The following ALDH2 variants were observed in gnomAD, a reference collection of about 807,000 sequenced individuals.
The protein encoded by ALDH2 is aldehyde dehydrogenase, mitochondrial.
A neutral mutation model predicts 59.6 loss-of-function variants in ALDH2; 44 were observed. The observed-to-expected ratio is 0.74, with a 90% CI of 0.58 to 0.95. The LOEUF (loss-of-function observed/expected upper bound fraction) is 0.95, where lower values mean the gene tolerates loss of function less well. Among genes scored for constraint, ALDH2 ranks in the 40% least tolerant of loss-of-function variants. The pLI, the probability that ALDH2 is intolerant of heterozygous loss-of-function variation, is 0.00. For synonymous variants in ALDH2, 291 were observed against 284.0 expected, an observed-to-expected ratio of 1.02 and a Z score of -0.25; for missense variants, 570 against 696.3, an observed-to-expected ratio of 0.82 and a Z score of 2.04.
chr12:111,786,216 TTTGA>T (rs537374639), intron 4 of ALDH2, among the ~76,000 whole-genome samples: 43 of 152,246 alleles, frequency 2.8e-4, no homozygotes, highest in Admixed American at 3.9e-4. Context: ...ATCAAAAATG[TTTGA>T]TTGATTGATT....
At chr12:111,798,853 G>T (rs2068426000) in intron 10 of ALDH2, among the ~76,000 whole-genome samples, 1 of 151,858 alleles carries the variant, frequency 6.6e-6, no homozygotes, top group Non-Finnish European at 1.5e-5. Context: ...TTAAAAATAA[G>T]AAAAAATTAG....
chr12:111,792,832 A>G, intron 9 of ALDH2, 50 bp downstream of exon 9: 2 of 1,515,460 alleles, frequency 1.3e-6, no homozygotes, highest in Non-Finnish European at 1.8e-6. Flanking sequence ...CAGCATGAGA[A>G]GCAGAGAGGG....
chr12:111,772,143 G>A (rs542754495), intron 1 of ALDH2, among the ~76,000 whole-genome samples: 24 of 151,948 alleles, frequency 1.6e-4, no homozygotes, highest in Non-Finnish European at 2.4e-4. Context: ...TACCCCATGA[G>A]CAGATATTAA....
At chr12:111,786,479 A>G (rs1298721956) in intron 4 of ALDH2, among the ~76,000 whole-genome samples, 1 of 150,498 alleles carries the variant, frequency 6.6e-6, no homozygotes, top group Admixed American at 6.6e-5. Context: ...CTTGTGATCC[A>G]CCCTCCTTGG....
rs2068164868 is a variant in ALDH2, at chr12:111,767,114, G to A, written c.114+18G>A. The A allele has an allele frequency of 4.8e-6, 7 of 1,465,998 alleles. No individual in the cohort carries two copies. Among genetic ancestry groups the A allele is most frequent in the African/African-American group, 4.5e-5 (3 of 67,338 alleles). The allele number at this position is 1,465,998 out of a possible 1,614,324, so 90.8% of individuals were successfully genotyped here. The stretch of plus-strand genomic sequence containing the variant: ...GCAACCAGGTGAGCCCACCGGCCGG[G>A]CTCGCGCTTTGTTTTCCGGCCCGAG... On this transcript the variant is annotated intron_variant, in intron 1 of 12. Transcript: ENST00000261733.
chr12:111,784,078 C>T lies in ALDH2; in HGVS notation c.360+780C>T, dbSNP rs764461263. On this transcript the variant is annotated intron_variant, in intron 3 of 12. Transcript: ENST00000261733. ...TCTGCTCTTATCCCTGCATGGCATGCGGTGTCCTTAGGATAAAATCCTCAA... is the reference window on the plus strand; with the variant it reads ...TCTGCTCTTATCCCTGCATGGCATGTGGTGTCCTTAGGATAAAATCCTCAA... Among the ~76,000 whole-genome samples the T allele has an allele frequency of 3.2e-4, 49 of 152,310 alleles. 1 individual carries two copies. The highest frequency in any genetic ancestry group is 8.3e-4 in the South Asian group (4 of 4,828).
chr12:111,809,401 C>A, intron 12 of ALDH2, 142 bp from the exon 13 acceptor site: 2 of 825,682 alleles, frequency 2.4e-6, no homozygotes, highest in Non-Finnish European at 1.9e-6. Flanking sequence ...CAGTAGTGAG[C>A]TGTAATTGCA....
intron 12 of ALDH2, among the ~76,000 whole-genome samples, chr12:111,807,413 C>T (rs760953052): frequency 4.3e-4 from 66 of 152,300 alleles, no homozygotes; most frequent in Admixed American, 2.6e-4. Flanking sequence ...ATCCACTGCC[C>T]GAGCAGAGTC....
Position 111,812,762 on chromosome 12 carries a change from C to T in ALDH2, c.*3187C>T, listed in dbSNP as rs1029596699. 6.6e-6 allele frequency: 1 copy of T among 152,206 alleles called. No individual in the cohort carries two copies. Among genetic ancestry groups the T allele is most frequent in the African/African-American group, 2.4e-5 (1 of 41,384 alleles). 9.4% of individuals were successfully genotyped at this position (152,206 alleles called of 1,614,324 possible). A position where few individuals can be genotyped will look rare whatever the true frequency, so the allele number is the denominator to read the frequency against. ...GCGTGGTGATGTGTGCCTGTGGTCC[C>T]AGTTACTCTGGAGGCTGATGTGGGA... is the stretch of plus-strand genomic sequence containing the variant. On this transcript the variant is annotated 3_prime_UTR_variant, in exon 13 of 13. Coordinates refer to ENST00000261733, the MANE Select transcript of ALDH2 (RefSeq NM_000690.4).
intron 2 of ALDH2, among the ~76,000 whole-genome samples, chr12:111,782,268 C>T (rs1470830502): frequency 6.6e-6 from 1 of 152,194 alleles, no homozygotes; most frequent in African/African-American, 2.4e-5. Flanking sequence ...CTTTCCAGAC[C>T]TGGAAGTTGA....
chr12:111,810,002 C>T lies in ALDH2; in HGVS notation c.*427C>T, dbSNP rs2068524040. The T allele has an allele frequency of 4.5e-6, 1 of 221,668 alleles. No homozygotes were observed. Among genetic ancestry groups the T allele is most frequent in the Non-Finnish European group, 9.0e-6 (1 of 110,872 alleles). The allele number at this position is 221,668 out of a possible 1,614,324, so 13.7% of individuals were successfully genotyped here. On this transcript the variant is annotated 3_prime_UTR_variant, in exon 13 of 13. Coordinates refer to ENST00000261733, the MANE Select transcript of ALDH2 (RefSeq NM_000690.4). Reference sequence around the variant, plus strand: ...TTAACTTACTGGGTAACTCTTTGTCCATCTCAATAACCAAAGGAAGGTGGG... The same window carrying T: ...TTAACTTACTGGGTAACTCTTTGTCTATCTCAATAACCAAAGGAAGGTGGG...
intron 11 of ALDH2, among the ~76,000 whole-genome samples, chr12:111,800,435 A>G (rs2068442649): frequency 1.3e-5 from 2 of 151,528 alleles, no homozygotes; most frequent in African/African-American, 2.4e-5. Context: ...TTTTAGTTTT[A>G]TTTTTTCAGA....
At chr12:111,802,535 C>T (rs988555602) in intron 11 of ALDH2, among the ~76,000 whole-genome samples, 7 of 151,348 alleles carry the variant, frequency 4.6e-5, no homozygotes, top group Admixed American at 2.0e-4. Context: ...GAGCCGAGAT[C>T]GCACCACTGC....
chr12:111,807,015 C>T (rs1351439370), intron 12 of ALDH2, among the ~76,000 whole-genome samples: 2 of 151,818 alleles, frequency 1.3e-5, no homozygotes, highest in African/African-American at 4.8e-5. Context: ...GCCTGTAATC[C>T]CAGCACTTTG....
Position 111,782,004 on chromosome 12 carries a change from G to C in ALDH2, c.201G>C (p.Gln67His). 6.2e-7 allele frequency: 1 copy of C among 1,613,848 alleles called. No homozygotes were observed. The highest frequency in any genetic ancestry group is 1.1e-5 in the South Asian group (1 of 91,074). Residue 67 changes from glutamine (Q) to histidine (H), a missense_variant, in exon 2 of 13, where the codon CAG (glutamine) becomes CAC (histidine). Coordinates refer to ENST00000261733, the MANE Select transcript of ALDH2 (RefSeq NM_000690.4). The stretch of plus-strand genomic sequence containing the variant: ...CGTCCACTGGAGAGGTCATCTGTCA[G>C]GTAGCTGAAGGGGACAAGGTGAGAA... ...VNPSTGEVIC[Q>H]VAEGDKEDVD...
rs190633288 is a variant in ALDH2, at chr12:111,785,261, T to C, written c.361-6T>C. The C allele has an allele frequency of 5.0e-6, 8 of 1,612,808 alleles. No individual in the cohort carries two copies. The Admixed American group carries it at 1.3e-4, about 27-fold the overall frequency. ...CATGTCTCTGCTGACCTTGTTTTCT[T>C]CTCAGGCCTTGGAGACCCTGGACAA... On this transcript the variant is annotated splice_polypyrimidine_tract_variant and splice_region_variant and intron_variant, in intron 3 of 12. Coordinates refer to ENST00000261733, the MANE Select transcript of ALDH2 (RefSeq NM_000690.4).
chr12:111,803,099 C>T (rs1282498163), intron 11 of ALDH2, among the ~76,000 whole-genome samples: 2 of 149,474 alleles, frequency 1.3e-5, no homozygotes, highest in African/African-American at 2.5e-5. Context: ...GCTGGAGATT[C>T]GCTTGAACCT....
intron 11 of ALDH2, among the ~76,000 whole-genome samples, chr12:111,802,831 G>C (rs1318168261): frequency 2.1e-5 from 3 of 145,448 alleles, no homozygotes; most frequent in Non-Finnish European, 4.5e-5. Context: ...GGTGAGCCGA[G>C]ATCGCACCAC....
chr12:111,778,207 CAG>C (rs939767074), intron 1 of ALDH2, among the ~76,000 whole-genome samples: 14 of 152,112 alleles, frequency 9.2e-5, no homozygotes, highest in African/African-American at 3.1e-4. Flanking sequence ...AACAAAGACA[CAG>C]GGGTGAGGTG....
Sources: allele counts gnomAD v4.1 joint callset (sites outside exome capture counted in the v4.1 genomes callset), GRCh38; gene constraint gnomAD v4.1.1; transcripts MANE v1.5; gene names NCBI Gene and HGNC (gene_info 2026-07-23, HGNC 2026-07-21).